SIGLEC7: variants seen among roughly 807,000 people sequenced by gnomAD.
SIGLEC7 encodes the protein sialic acid binding Ig like lectin 7.
A neutral mutation model predicts 40.8 loss-of-function variants in SIGLEC7; 33 were observed. The ratio of observed to expected loss-of-function variants is 0.81; its 90% CI spans 0.61 to 1.08. The LOEUF (loss-of-function observed/expected upper bound fraction) is 1.08, where lower values mean the gene tolerates loss of function less well. Among genes scored for constraint, SIGLEC7 ranks in the 50% least tolerant of loss-of-function variants. SIGLEC7 has a pLI of 0.00. For missense variants in SIGLEC7, 513 were observed against 576.1 expected (o/e 0.89, Z 1.12); for synonymous variants, 242 against 237.6 (o/e 1.02, Z -0.17).
Position 51,142,393 on chromosome 19 carries a change from C to T in SIGLEC7, c.24C>T (p.Pro8=). Residue 8 remains proline, a synonymous_variant, in exon 1 of 7, where the codon CCC becomes CCT. Coordinates refer to ENST00000317643, the MANE Select transcript of SIGLEC7 (RefSeq NM_014385.4). This position sits in a 1 kb window ranked among gnomAD's most constrained non-coding sequence, Gnocchi z 5.0. The part of the protein sequence containing the change: MLLLLLL[P]LLWGRERVEG... ...ATATGCTGCTGCTGCTGCTGCTGCCCCTGCTCTGGGGGAGGGAGAGGGTGG... is the reference window on the plus strand; with the variant it reads ...ATATGCTGCTGCTGCTGCTGCTGCCTCTGCTCTGGGGGAGGGAGAGGGTGG... 1 of 1,613,964 alleles carries T rather than the reference C, an allele frequency of 6.2e-7. No homozygotes were observed.
intron 6 of SIGLEC7, among the ~76,000 whole-genome samples, chr19:51,152,337 C>T (rs2092149284): frequency 6.6e-6 from 1 of 152,210 alleles, no homozygotes; most frequent in Non-Finnish European, 1.5e-5. Context: ...TATCCTTAAC[C>T]TAGCTCCATC....
intron 6 of SIGLEC7, among the ~76,000 whole-genome samples, chr19:51,151,058 G>C (rs1224603639): frequency 6.6e-6 from 1 of 152,192 alleles, no homozygotes; most frequent in Non-Finnish European, 1.5e-5. Flanking sequence ...AAGAGACCGT[G>C]TGTGTGGCAG....
intron 6 of SIGLEC7, among the ~76,000 whole-genome samples, chr19:51,147,600 C>T (rs1020180627): frequency 6.6e-6 from 1 of 152,084 alleles, no homozygotes. Flanking sequence ...TTTTTCCTCC[C>T]TAAGAATGGC....
chr19:51,144,799 T>C, intron 2 of SIGLEC7, 113 bp from the exon 3 acceptor site: 1 of 1,580,758 alleles, frequency 6.3e-7, no homozygotes, highest in African/African-American at 1.3e-5. Flanking sequence ...GGGCTGGTTG[T>C]GGGATCAGGA....
intron 6 of SIGLEC7, among the ~76,000 whole-genome samples, chr19:51,152,228 A>G (rs2092148645): frequency 6.6e-6 from 1 of 152,132 alleles, no homozygotes. Context: ...GTAGCCTGGC[A>G]TCTTCCAATC....
At chr19:51,151,336 G>A (rs1460267134) in intron 6 of SIGLEC7, among the ~76,000 whole-genome samples, 1 of 152,236 alleles carries the variant, frequency 6.6e-6, no homozygotes, top group Non-Finnish European at 1.5e-5. Flanking sequence ...CAGAAGAAAT[G>A]GATTTGGGAA....
At chr19:51,144,870 A>T in intron 2 of SIGLEC7, 42 bp from the exon 3 acceptor site, 1 of 1,601,958 alleles carries the variant, frequency 6.2e-7, no homozygotes, top group East Asian at 2.2e-5. Context: ...CAGTGTCCCC[A>T]GCCCTCACAG....
intron 6 of SIGLEC7, among the ~76,000 whole-genome samples, chr19:51,149,591 C>A (rs1057012588): frequency 7.9e-5 from 12 of 152,088 alleles, no homozygotes; most frequent in Admixed American, 1.3e-4. Context: ...TAACGTGATG[C>A]CTCCAGGTTT....
In SIGLEC7 at chr19:51,145,696, A is replaced by G. The variant is rs2092102330; in HGVS notation, c.761-159A>G. On this transcript the variant is annotated intron_variant, in intron 3 of 6. Coordinates refer to ENST00000317643, the MANE Select transcript of SIGLEC7 (RefSeq NM_014385.4). The surrounding 1 kb of genome is among the most constrained non-coding windows in gnomAD (Gnocchi z 4.3). ...ATATGGTGAAGTTGTCCTCAAATAA[A>G]GGTGGGCAAGTTTACATTCCCAACA... Among the ~76,000 whole-genome samples the G allele has an allele frequency of 6.6e-6, 1 of 152,218 alleles. No homozygotes were observed. Among genetic ancestry groups the G allele is most frequent in the African/African-American group, 2.4e-5 (1 of 41,458 alleles).
In SIGLEC7 at chr19:51,146,993, C is replaced by T. The variant is rs531940170; in HGVS notation, c.1124+143C>T. 128 of 1,007,470 alleles carry T rather than the reference C, an allele frequency of 1.3e-4. No individual in the cohort carries two copies. The African/African-American group carries it at 1.9e-3, about 15-fold the overall frequency. The allele number at this position is 1,007,470 out of a possible 1,614,324, so 62.4% of individuals were successfully genotyped here. A position where few individuals can be genotyped will look rare whatever the true frequency, so the allele number is the denominator to read the frequency against. ...GCTCACGGGTGCGTGGCAAGAATTTCAAGAGCGCCCTTGTCTGTGGGGCTC... is the reference window on the plus strand; with the variant it reads ...GCTCACGGGTGCGTGGCAAGAATTTTAAGAGCGCCCTTGTCTGTGGGGCTC... On this transcript the variant is annotated intron_variant, in intron 5 of 6. Coordinates refer to ENST00000317643, the MANE Select transcript of SIGLEC7 (RefSeq NM_014385.4).
At chr19:51,144,867 C>A (rs751878910) in intron 2 of SIGLEC7, 45 bp from the exon 3 acceptor site, 2 of 1,600,898 alleles carry the variant, frequency 1.2e-6, no homozygotes, top group South Asian at 2.2e-5. Context: ...GGCCAGTGTC[C>A]CCAGCCCTCA....
In SIGLEC7 at chr19:51,145,904, G is replaced by A; in HGVS notation, c.810G>A (p.Gln270=). The A allele has an allele frequency of 6.2e-7, 1 of 1,614,228 alleles. No homozygotes were observed. The highest frequency in any genetic ancestry group is 1.1e-5 in the South Asian group (1 of 91,086). The part of the protein sequence containing the change: ...NSSSLSVLEG[Q]SLRLVCAVDS... ...CATCTCTTTCAGTCCTAGAGGGCCA[G>A]TCTCTGCGCTTGGTCTGTGCTGTTG... Residue 270 remains glutamine (Q), a synonymous_variant, in exon 4 of 7, where the codon CAG becomes CAA. Transcript: ENST00000317643. The surrounding 1 kb of genome is among the most constrained non-coding windows in gnomAD (Gnocchi z 4.3).
In SIGLEC7 at chr19:51,153,139, G is replaced by C. The variant is rs374730605; in HGVS notation, c.1298G>C (p.Arg433Thr). ...GLAAHSSGEE[R>T]EIQYAPLSFH... is the part of the protein sequence containing the mutation. ...GCTGCCCACTCCTCAGGGGAGGAAA[G>C]AGAGATCCAGTATGCACCCCTCAGC... The change falls in exon 7 of 7, where the codon AGA becomes ACA. Residue 433 changes from arginine (R) to threonine (T), a missense_variant. Transcript: ENST00000317643. 6.2e-7 allele frequency: 1 copy of C among 1,610,910 alleles called. No homozygotes were observed. The highest frequency in any genetic ancestry group is 1.3e-5 in the African/African-American group (1 of 75,004).
In SIGLEC7 at chr19:51,142,474, C is replaced by T. The variant is rs1169983143; in HGVS notation, c.105C>T (p.Thr35=). The change falls in exon 1 of 7, where the codon ACC becomes ACT. Residue 35 remains threonine (T), a synonymous_variant. Coordinates refer to ENST00000317643, the MANE Select transcript of SIGLEC7 (RefSeq NM_014385.4). This position sits in a 1 kb window ranked among gnomAD's most constrained non-coding sequence, Gnocchi z 5.0. The part of the protein sequence containing the change: ...DYSLTMQSSV[T]VQEGMCVHVR... ...CGCTGACGATGCAGAGTTCCGTGAC[C>T]GTGCAAGAGGGCATGTGTGTCCATG... The T allele has an allele frequency of 5.6e-6, 9 of 1,614,166 alleles. No individual in the cohort carries two copies. Among genetic ancestry groups the T allele is most frequent in the East Asian group, 2.2e-5 (1 of 44,878 alleles).
At chr19:51,151,237 C>T (rs2092141362) in intron 6 of SIGLEC7, among the ~76,000 whole-genome samples, 1 of 152,122 alleles carries the variant, frequency 6.6e-6, no homozygotes, top group Non-Finnish European at 1.5e-5. Flanking sequence ...AGAATGTGAG[C>T]CACAGAAAGG....
In SIGLEC7 at chr19:51,146,814, C is replaced by A. The variant is rs375772505; in HGVS notation, c.1088C>A (p.Ala363Asp). The change falls in exon 5 of 7, where the codon GCC becomes GAC. Residue 363 changes from alanine to aspartate, a missense_variant. Transcript: ENST00000317643. The part of the protein sequence containing the change: ...LGAVGGAGAT[A>D]LVFLSFCVIF... ...GCGGTCGGGGGAGCTGGAGCCACAG[C>A]CCTGGTCTTCCTCTCCTTCTGTGTC... 1 of 1,614,082 alleles carries A rather than the reference C, an allele frequency of 6.2e-7. No individual in the cohort carries two copies. The highest frequency in any genetic ancestry group is 8.5e-7 in the Non-Finnish European group (1 of 1,179,970).
chr19:51,144,928 G>A lies in SIGLEC7; in HGVS notation c.729G>A (p.Leu243=), dbSNP rs753997290. The A allele has an allele frequency of 1.9e-6, 3 of 1,614,080 alleles. No individual in the cohort carries two copies. The highest frequency in any genetic ancestry group is 3.3e-5 in the Admixed American group (2 of 60,030). The stretch of plus-strand genomic sequence containing the variant: ...CTGTCCCAGACCCTCCTCAGAACTT[G>A]ACTGTGACTGTCTTCCAAGGAGAAG... The part of the protein sequence containing the change: ...QLNVSYPPQN[L]TVTVFQGEGT... The change falls in exon 3 of 7, where the codon TTG becomes TTA. Residue 243 remains leucine (L), a synonymous_variant. Transcript: ENST00000317643.
Position 51,153,281 on chromosome 19 carries a change from C to G in SIGLEC7, c.*36C>G. On this transcript the variant is annotated 3_prime_UTR_variant, in exon 7 of 7. Coordinates refer to ENST00000317643, the MANE Select transcript of SIGLEC7 (RefSeq NM_014385.4). ...AGGCTCGGGCTTGTTTGAGGGTTCA[C>G]GACCCCTCCAGCAAAGGAGTCTGAG... 6.8e-7 allele frequency: 1 copy of G among 1,463,206 alleles called. No individual in the cohort carries two copies. The highest frequency in any genetic ancestry group is 1.4e-5 in the African/African-American group (1 of 70,678). The allele number at this position is 1,463,206 out of a possible 1,614,324, so 90.6% of individuals were successfully genotyped here. A position where few individuals can be genotyped will look rare whatever the true frequency, so the allele number is the denominator to read the frequency against.
chr19:51,147,446 C>A, intron 6 of SIGLEC7, 129 bp downstream of exon 6: 1 of 698,704 alleles, frequency 1.4e-6, no homozygotes, highest in Non-Finnish European at 2.3e-6. Context: ...CACCATCCAG[C>A]TTCTCCTGCA....
Sources: allele counts gnomAD v4.1 joint callset (sites outside exome capture counted in the v4.1 genomes callset), GRCh38; gene constraint gnomAD v4.1.1; non-coding constraint Gnocchi (gnomAD v3.1); transcripts MANE v1.5; gene names NCBI Gene and HGNC (gene_info 2026-07-23, HGNC 2026-07-21).